The following DEPDC1B variants were observed in gnomAD, a reference collection of about 807,000 sequenced individuals.
DEPDC1B encodes the protein DEP domain-containing protein 1B.
Under a neutral mutation model 66.5 loss-of-function variants are expected in DEPDC1B, and 51 were observed. That is an observed-to-expected ratio of 0.77 (90% CI 0.61 to 0.97). The LOEUF (loss-of-function observed/expected upper bound fraction) is 0.97. Ranked by LOEUF, DEPDC1B falls within the 50% of genes least tolerant of loss-of-function variation. DEPDC1B has a pLI of 0.00. For synonymous variants in DEPDC1B, 226 were observed against 223.6 expected (o/e 1.01, Z -0.10); for missense variants, 552 against 637.1 (o/e 0.87, Z 1.44).
chr5:60,647,028 T>C (rs1333752996), intron 3 of DEPDC1B, among the ~76,000 whole-genome samples: 1 of 152,106 alleles, frequency 6.6e-6, no homozygotes, highest in Non-Finnish European at 1.5e-5. Flanking sequence ...TATTAAAATG[T>C]AATAATAATA....
At chr5:60,663,280 G>A (rs116060841) in intron 2 of DEPDC1B, among the ~76,000 whole-genome samples, 95 of 152,196 alleles carry the variant, frequency 6.2e-4, no homozygotes, top group African/African-American at 2.2e-3. Flanking sequence ...GCTTAGACCC[G>A]AGGACCAATA....
At chr5:60,608,383 G>A (rs1752352085) in intron 7 of DEPDC1B, among the ~76,000 whole-genome samples, 1 of 150,984 alleles carries the variant, frequency 6.6e-6, no homozygotes, top group Non-Finnish European at 1.5e-5. Flanking sequence ...ACATTTCCTA[G>A]TATAATACAA....
At chr5:60,615,887 C>G (rs930106488) in intron 7 of DEPDC1B, among the ~76,000 whole-genome samples, 3 of 152,192 alleles carry the variant, frequency 2.0e-5, no homozygotes, top group Non-Finnish European at 4.4e-5. Context: ...CTGGGAGGCA[C>G]CCCGCAGTAG....
At chr5:60,617,969 T>C (rs1433150433) in intron 7 of DEPDC1B, among the ~76,000 whole-genome samples, 2 of 152,130 alleles carry the variant, frequency 1.3e-5, no homozygotes, top group African/African-American at 2.4e-5. Context: ...AAACTAGAAC[T>C]CAGGATTAAG....
At chr5:60,664,675 G>A (rs1009592115) in intron 2 of DEPDC1B, among the ~76,000 whole-genome samples, 10 of 152,162 alleles carry the variant, frequency 6.6e-5, no homozygotes, top group African/African-American at 2.4e-4. Context: ...GACTTCAAAA[G>A]GCGGAGTATG....
intron 7 of DEPDC1B, among the ~76,000 whole-genome samples, chr5:60,627,874 T>C (rs1275295374): frequency 6.6e-6 from 1 of 152,220 alleles, no homozygotes; most frequent in Admixed American, 6.5e-5. Flanking sequence ...TCTGTAAGTA[T>C]GACAGGTTAT....
At chr5:60,622,908 G>C (rs1752737413) in intron 7 of DEPDC1B, among the ~76,000 whole-genome samples, 1 of 151,958 alleles carries the variant, frequency 6.6e-6, no homozygotes, top group Admixed American at 6.6e-5. Context: ...CTAGTTATAA[G>C]TATTTTGTGA....
At chr5:60,639,167 G>T (rs1466173795) in intron 6 of DEPDC1B, among the ~76,000 whole-genome samples, 2 of 151,902 alleles carry the variant, frequency 1.3e-5, no homozygotes, top group African/African-American at 4.8e-5. Flanking sequence ...CATTTTAAAA[G>T]AAACCTTTCT....
intron 7 of DEPDC1B, among the ~76,000 whole-genome samples, chr5:60,637,332 A>C (rs963537806): frequency 6.6e-6 from 1 of 152,072 alleles, no homozygotes; most frequent in African/African-American, 2.4e-5. Context: ...TAGTTATTTT[A>C]AAGTGTGTAG....
At chr5:60,612,814 G>C (rs927123028) in intron 7 of DEPDC1B, among the ~76,000 whole-genome samples, 2 of 151,994 alleles carry the variant, frequency 1.3e-5, no homozygotes, top group African/African-American at 4.8e-5. Flanking sequence ...TGAAAGGTCT[G>C]AGGGAATGCA....
chr5:60,604,215 A>ATTATTTTTTTTTTTTT (rs1323826916), intron 8 of DEPDC1B, among the ~76,000 whole-genome samples: 2 of 60,092 alleles, frequency 3.3e-5, no homozygotes, highest in East Asian at 1.2e-3. Context: ...GAAATTAACT[A>ATTATTTTTTTTTTTTT]TTCTTTTTTT....
chr5:60,619,872 G>C (rs906041493), intron 7 of DEPDC1B, among the ~76,000 whole-genome samples: 21 of 152,068 alleles, frequency 1.4e-4, no homozygotes, highest in East Asian at 7.7e-4. Context: ...AGGCATCACG[G>C]TACCTGACTT....
chr5:60,618,108 A>C (rs932187981), intron 7 of DEPDC1B, among the ~76,000 whole-genome samples: 1 of 152,224 alleles, frequency 6.6e-6, no homozygotes, highest in Non-Finnish European at 1.5e-5. Flanking sequence ...AAGACAAAAC[A>C]TACCAGAATC....
intron 2 of DEPDC1B, among the ~76,000 whole-genome samples, chr5:60,680,572 CA>C (rs1444278096): frequency 6.6e-6 from 1 of 152,114 alleles, no homozygotes; most frequent in Non-Finnish European, 1.5e-5. Flanking sequence ...TCCCTCTCTT[CA>C]AAATATACAA....
rs555881564 is a variant in DEPDC1B, at chr5:60,645,521, T to G, written c.549A>C (p.Glu183Asp). ...ATAATGTCATAGACTTCCATATCTC[T>G]TCTACATTGGCCTCTGTCAGCTGTC... ...HRRQLTEANV[E>D]EIWKSMTLSY... Residue 183 changes from glutamate (E) to aspartate (D), a missense_variant, in exon 4 of 11, where the codon GAA (glutamate) becomes GAC (aspartate). Coordinates refer to ENST00000265036, the MANE Select transcript of DEPDC1B (RefSeq NM_018369.3). The G allele has an allele frequency of 3.1e-6, 5 of 1,612,594 alleles. No individual in the cohort carries two copies. The Admixed American group carries it at 8.4e-5, about 27-fold the overall frequency.
chr5:60,640,702 T>A (rs1000096413), intron 6 of DEPDC1B, among the ~76,000 whole-genome samples: 1 of 152,118 alleles, frequency 6.6e-6, no homozygotes, highest in Non-Finnish European at 1.5e-5. Context: ...TAAACACAGA[T>A]GGGCTGAAGA....
intron 9 of DEPDC1B, among the ~76,000 whole-genome samples, chr5:60,600,213 A>T (rs1180353584): frequency 6.6e-6 from 1 of 152,186 alleles, no homozygotes; most frequent in East Asian, 1.9e-4. Context: ...CTAACATCTT[A>T]CCCATGAGAA....
At chr5:60,686,119 G>A (rs368818634) in intron 2 of DEPDC1B, among the ~76,000 whole-genome samples, 1 of 152,206 alleles carries the variant, frequency 6.6e-6, no homozygotes, top group South Asian at 2.1e-4. Context: ...GAAAGAGCCA[G>A]GTTGTCTCTG....
chr5:60,699,443 G>GAAAAA (rs528758437), intron 1 of DEPDC1B, among the ~76,000 whole-genome samples: 2,305 of 89,292 alleles, frequency 0.026, 217 homozygotes, highest in Non-Finnish European at 0.038. Context: ...TTTTCTCCCA[G>GAAAAA]AAAAAAAAAA....
Sources: gnomAD v4.1 joint callset for allele counts (sites outside exome capture counted in the v4.1 genomes callset) on GRCh38, gnomAD v4.1.1 for gene constraint, MANE v1.5 for transcripts, NCBI Gene and HGNC (gene_info 2026-07-23, HGNC 2026-07-21) for gene names.